FHIP1A: variants seen among roughly 807,000 people sequenced by gnomAD.
FHIP1A encodes FHF complex subunit HOOK-interacting protein 1A.
A neutral mutation model predicts 88.6 loss-of-function variants in FHIP1A; 61 were observed. The ratio of observed to expected loss-of-function variants is 0.69; its 90% confidence interval spans 0.56 to 0.85. FHIP1A has a LOEUF of 0.85. Ranked by LOEUF, FHIP1A falls within the 40% of genes least tolerant of loss-of-function variation. FHIP1A has a pLI of 0.00. For synonymous variants in FHIP1A, 478 were observed against 496.0 expected (o/e 0.96, Z 0.48); for missense variants, 1,154 against 1,273.5 (o/e 0.91, Z 1.43).
At chr4:151,549,565 C>T (rs544790521) in intron 3 of FHIP1A, among the ~76,000 whole-genome samples, 1 of 151,714 alleles carries the variant, frequency 6.6e-6, no homozygotes, top group East Asian at 1.9e-4. Flanking sequence ...TGGGAATTAC[C>T]CATGCCTTTC....
chr4:151,643,856 T>G (rs1176567971), intron 9 of FHIP1A, among the ~76,000 whole-genome samples: 4 of 152,222 alleles, frequency 2.6e-5, no homozygotes. Context: ...CAGAAGAAAA[T>G]TTTTAGTTTC....
At chr4:151,600,731 C>T (rs1734837115) in intron 7 of FHIP1A, among the ~76,000 whole-genome samples, 1 of 152,144 alleles carries the variant, frequency 6.6e-6, no homozygotes, top group Non-Finnish European at 1.5e-5. Flanking sequence ...CCTTCTTTCC[C>T]TCCTTCCACA....
chr4:151,415,378 G>T (rs1264721031), intron 1 of FHIP1A, among the ~76,000 whole-genome samples: 1 of 151,920 alleles, frequency 6.6e-6, no homozygotes, highest in Non-Finnish European at 1.5e-5. Flanking sequence ...GGAGAGCCAG[G>T]GTTTGGCCAG....
intron 7 of FHIP1A, among the ~76,000 whole-genome samples, chr4:151,599,843 A>T (rs1214658795): frequency 1.3e-5 from 2 of 152,124 alleles, no homozygotes; most frequent in African/African-American, 4.8e-5. Flanking sequence ...GGTTATATAT[A>T]TTTGCTTATT....
At chr4:151,424,807 T>TA (rs10714490) in intron 1 of FHIP1A, among the ~76,000 whole-genome samples, 2,285 of 142,726 alleles carry the variant, frequency 0.016, 43 homozygotes, top group African/African-American at 0.046. Context: ...ATCTTTCCTG[T>TA]AAAAAAAAAA....
intron 3 of FHIP1A, among the ~76,000 whole-genome samples, chr4:151,492,518 G>A (rs552891948): frequency 6.6e-6 from 1 of 151,878 alleles, no homozygotes; most frequent in Non-Finnish European, 1.5e-5. Context: ...CTTGAATCTG[G>A]GCGGCATAGG....
At chr4:151,521,836 C>T (rs992694820) in intron 3 of FHIP1A, among the ~76,000 whole-genome samples, 16 of 152,086 alleles carry the variant, frequency 1.1e-4, no homozygotes, top group African/African-American at 3.9e-4. Context: ...GTGATCCTCC[C>T]ACCTCACCCT....
At chr4:151,471,521 A>T (rs939483402) in intron 2 of FHIP1A, among the ~76,000 whole-genome samples, 1 of 152,042 alleles carries the variant, frequency 6.6e-6, no homozygotes, top group Non-Finnish European at 1.5e-5. Context: ...TTTGTTGCCT[A>T]TGTTTCATAA....
At chr4:151,459,640 T>A (rs937023733) in intron 2 of FHIP1A, among the ~76,000 whole-genome samples, 2 of 152,234 alleles carry the variant, frequency 1.3e-5, no homozygotes, top group African/African-American at 4.8e-5. Flanking sequence ...TTCAGCTTCC[T>A]ATTGTGGAAG....
chr4:151,522,315 T>C (rs1443092963), intron 3 of FHIP1A, among the ~76,000 whole-genome samples: 1 of 152,236 alleles, frequency 6.6e-6, no homozygotes, highest in African/African-American at 2.4e-5. Flanking sequence ...ATTCAGCTCG[T>C]GAAATAGAAT....
intron 9 of FHIP1A, among the ~76,000 whole-genome samples, chr4:151,639,666 A>T (rs1294897011): frequency 2.0e-5 from 3 of 152,150 alleles, no homozygotes; most frequent in Non-Finnish European, 4.4e-5. Flanking sequence ...CAAGAAGCGG[A>T]CCCAGAGAGA....
At chr4:151,603,454 C>G (rs1734953434) in intron 7 of FHIP1A, among the ~76,000 whole-genome samples, 1 of 152,130 alleles carries the variant, frequency 6.6e-6, no homozygotes, top group Admixed American at 6.5e-5. Flanking sequence ...TCTGTCTGCT[C>G]TGCTGACTGG....
At chr4:151,553,265 C>T (rs770902106) in intron 3 of FHIP1A, among the ~76,000 whole-genome samples, 7 of 152,044 alleles carry the variant, frequency 4.6e-5, no homozygotes, top group African/African-American at 7.2e-5. Context: ...TAAACAATTA[C>T]AAGAAAAGTA....
At chr4:151,653,762 C>T (rs772499147) in intron 11 of FHIP1A, among the ~76,000 whole-genome samples, 3 of 152,012 alleles carry the variant, frequency 2.0e-5, no homozygotes, top group Admixed American at 6.6e-5. Context: ...TAGAATTTGC[C>T]GAGGGAGGCA....
intron 4 of FHIP1A, among the ~76,000 whole-genome samples, chr4:151,569,259 A>T (rs1733506077): frequency 6.6e-6 from 1 of 152,184 alleles, no homozygotes; most frequent in African/African-American, 2.4e-5. Flanking sequence ...ATGTTAAATT[A>T]GCAAAAAGTG....
chr4:151,578,445 G>T (rs1405875132), intron 5 of FHIP1A, among the ~76,000 whole-genome samples: 2 of 152,178 alleles, frequency 1.3e-5, no homozygotes, highest in Admixed American at 1.3e-4. Flanking sequence ...CATGGCATGT[G>T]ATAAGACCTC....
chr4:151,507,324 A>G (rs1348072426), intron 3 of FHIP1A, among the ~76,000 whole-genome samples: 2 of 152,198 alleles, frequency 1.3e-5, no homozygotes, highest in East Asian at 1.9e-4. Flanking sequence ...GGGTCTCGCT[A>G]TATTGCCCAG....
intron 3 of FHIP1A, among the ~76,000 whole-genome samples, chr4:151,490,154 G>T (rs11729514): frequency 6.6e-6 from 1 of 152,088 alleles, no homozygotes; most frequent in African/African-American, 2.4e-5. Flanking sequence ...ACCAGAGGTC[G>T]TGAGTCTGTC....
chr4:151,537,893 A>T (rs75971955), intron 3 of FHIP1A, among the ~76,000 whole-genome samples: 350 of 152,196 alleles, frequency 2.3e-3, no homozygotes, highest in African/African-American at 8.0e-3. Flanking sequence ...ATCCTGCTTC[A>T]GAATAGGGGC....
Sources: allele counts gnomAD v4.1 joint callset (sites outside exome capture counted in the v4.1 genomes callset), GRCh38; gene constraint gnomAD v4.1.1; transcripts MANE v1.5; gene names NCBI Gene and HGNC (gene_info 2026-07-23, HGNC 2026-07-21).